The following PRRC2B variants were observed in gnomAD, a reference collection of about 807,000 sequenced individuals.
PRRC2B encodes the protein proline rich coiled-coil 2B.
A neutral mutation model predicts 242.3 loss-of-function variants in PRRC2B; 68 were observed. That is an observed-to-expected ratio of 0.28 (90% CI 0.23 to 0.34). PRRC2B has a LOEUF of 0.34. Among genes scored for constraint, PRRC2B ranks in the 10% least tolerant of loss-of-function variants. PRRC2B has a pLI of 1.00. For missense variants in PRRC2B, 2,835 were observed against 2,954.8 expected (o/e 0.96, Z 0.94); for synonymous variants, 1,228 against 1,173.6 (o/e 1.05, Z -0.95).
At chr9:131,493,410 G>A (rs568915404) in intron 30 of PRRC2B, among the ~76,000 whole-genome samples, 8 of 152,334 alleles carry the variant, frequency 5.3e-5, no homozygotes, top group South Asian at 2.1e-4. Context: ...GGAGGAAGGC[G>A]GCTGCAGGTC....
intron 5 of PRRC2B, among the ~76,000 whole-genome samples, chr9:131,440,465 G>T (rs1588252433): frequency 6.6e-6 from 1 of 152,012 alleles, no homozygotes; most frequent in East Asian, 1.9e-4. Flanking sequence ...AAAATTAAAA[G>T]AAAAACTTCT....
chr9:131,377,182 G>A (rs769068847), intron 1 of PRRC2B, among the ~76,000 whole-genome samples: 34 of 151,684 alleles, frequency 2.2e-4, no homozygotes, highest in Non-Finnish European at 3.8e-4. Flanking sequence ...TGGCGCATTC[G>A]GGGCTCACTG....
intron 1 of PRRC2B, among the ~76,000 whole-genome samples, chr9:131,384,359 T>A (rs946287423): frequency 4.6e-5 from 7 of 151,746 alleles, no homozygotes; most frequent in Admixed American, 4.6e-4. Flanking sequence ...CTTGGCTCGC[T>A]GCAACCTCCA....
intron 10 of PRRC2B, among the ~76,000 whole-genome samples, chr9:131,458,446 G>A (rs1302523794): frequency 6.6e-6 from 1 of 151,896 alleles, no homozygotes; most frequent in Admixed American, 6.6e-5. Flanking sequence ...TAACACTAAC[G>A]ATAGCTGATA....
chr9:131,453,395 T>A (rs149457913), intron 9 of PRRC2B, among the ~76,000 whole-genome samples: 73 of 152,308 alleles, frequency 4.8e-4, no homozygotes, highest in African/African-American at 6.7e-4. Flanking sequence ...TAAATTTTTT[T>A]AATTTTAATT....
At chr9:131,442,887 T>G (rs992827316) in intron 5 of PRRC2B, among the ~76,000 whole-genome samples, 2 of 152,200 alleles carry the variant, frequency 1.3e-5, no homozygotes, top group African/African-American at 4.8e-5. Flanking sequence ...AGGAAAGGCT[T>G]CTTCTCTAAA....
At chr9:131,480,941 C>G (rs1943842389) in intron 19 of PRRC2B, among the ~76,000 whole-genome samples, 1 of 151,780 alleles carries the variant, frequency 6.6e-6, no homozygotes, top group Non-Finnish European at 1.5e-5. Context: ...GAGGCCAAGG[C>G]TTGAAGATCA....
chr9:131,378,495 C>A (rs1425474197), intron 1 of PRRC2B, among the ~76,000 whole-genome samples: 2 of 152,034 alleles, frequency 1.3e-5, no homozygotes, highest in African/African-American at 4.8e-5. Context: ...CTTCCTTGGA[C>A]TATGTTCCCA....
Position 131,499,443 on chromosome 9 carries a change from A to C in PRRC2B, c.*3569A>C. ...CTGCTGGAAATGGCCTTTGAAGACC[A>C]AGGATACCAGGATGTGTGCACTCTG... On this transcript the variant is annotated 3_prime_UTR_variant, in exon 32 of 32. Coordinates refer to ENST00000683519, the MANE Select transcript of PRRC2B (RefSeq NM_013318.4). The C allele has an allele frequency of 6.6e-6, 1 of 152,250 alleles. No individual in the cohort carries two copies. Among genetic ancestry groups the C allele is most frequent in the East Asian group, 1.9e-4 (1 of 5,204 alleles). The allele number at this position is 152,250 out of a possible 1,614,324, so 9.4% of individuals were successfully genotyped here.
In PRRC2B at chr9:131,473,870, A is replaced by AG. The variant is rs988800127; in HGVS notation, c.2324+148dup. ...AAGGGACTCCTGGTTCCTCTGGGGA[A>AG]GGAGAGTGTGAGGAGGATTGCTTGA... On this transcript the variant is annotated intron_variant, in intron 15 of 31. Transcript: ENST00000683519. 6 of 635,240 alleles carry AG rather than the reference A, an allele frequency of 9.4e-6. No homozygotes were observed. In the African/African-American group the frequency reaches 1.1e-4, roughly 12 times the overall value. 39.4% of individuals were successfully genotyped at this position (635,240 alleles called of 1,614,324 possible).
upstream of PRRC2B, among the ~76,000 whole-genome samples, chr9:131,393,733 G>A (rs565929331): frequency 2.0e-5 from 3 of 149,404 alleles, no homozygotes; most frequent in Non-Finnish European, 3.0e-5. Flanking sequence ...CTTCCCCCGG[G>A]CCCAGGCCGG....
In PRRC2B at chr9:131,475,593, A is replaced by C; in HGVS notation, c.3464A>C (p.Asn1155Thr). 6.2e-7 allele frequency: 1 copy of C among 1,612,858 alleles called. No homozygotes were observed. The highest frequency in any genetic ancestry group is 8.5e-7 in the Non-Finnish European group (1 of 1,179,796). ...CGCCGCCGGCAGAGGGGCTCCGAGA[A>C]CGGGAATGAAGGCTCGCTCCTGGAG... ...PKRRRQRGSE[N>T]GNEGSLLERE... Residue 1155 changes from asparagine (N) to threonine (T), a missense_variant, in exon 16 of 32, where the codon AAC (asparagine) becomes ACC (threonine). Asn to Thr is a moderately conservative substitution (Grantham distance 65). Coordinates refer to ENST00000683519, the MANE Select transcript of PRRC2B (RefSeq NM_013318.4).
intron 28 of PRRC2B, among the ~76,000 whole-genome samples, chr9:131,490,111 C>T (rs1227908093): frequency 6.6e-6 from 1 of 152,046 alleles, no homozygotes; most frequent in Non-Finnish European, 1.5e-5. Context: ...ATGGACTTTC[C>T]AGCATGTCTG....
intron 10 of PRRC2B, among the ~76,000 whole-genome samples, chr9:131,455,800 C>T (rs976283817): frequency 5.3e-5 from 8 of 152,016 alleles, no homozygotes; most frequent in Non-Finnish European, 1.2e-4. Context: ...CCAGATTCCT[C>T]GGAGCCTTGA....
At chr9:131,437,741 T>A (rs1022840588) in intron 4 of PRRC2B, among the ~76,000 whole-genome samples, 5 of 152,242 alleles carry the variant, frequency 3.3e-5, no homozygotes, top group Non-Finnish European at 7.3e-5. Flanking sequence ...TCTATAATCA[T>A]GCAAGATGCC....
chr9:131,431,185 C>T (rs1302157189), intron 2 of PRRC2B, among the ~76,000 whole-genome samples: 1 of 151,786 alleles, frequency 6.6e-6, no homozygotes, highest in Admixed American at 6.6e-5. Flanking sequence ...GGGTGGAGTG[C>T]AGTGGTGTGA....
chr9:131,397,442 T>C (rs1431936450), intron 1 of PRRC2B, among the ~76,000 whole-genome samples: 1 of 152,168 alleles, frequency 6.6e-6, no homozygotes, highest in African/African-American at 2.4e-5. Flanking sequence ...TCCCTTTGCC[T>C]TGTGCTTAGC....
intron 1 of PRRC2B, among the ~76,000 whole-genome samples, chr9:131,414,050 AT>A (rs1837576377): frequency 6.6e-6 from 1 of 152,230 alleles, no homozygotes; most frequent in Non-Finnish European, 1.5e-5. Flanking sequence ...AGCTGCAGTG[AT>A]TAAGACAATG....
At chr9:131,467,257 C>T (rs1943423695) in intron 12 of PRRC2B, among the ~76,000 whole-genome samples, 1 of 152,176 alleles carries the variant, frequency 6.6e-6, no homozygotes, top group South Asian at 2.1e-4. Flanking sequence ...TTTAATAAAA[C>T]ATCTTCCACC....
Sources: allele counts gnomAD v4.1 joint callset (sites outside exome capture counted in the v4.1 genomes callset), GRCh38; gene constraint gnomAD v4.1.1; transcripts MANE v1.5; gene names NCBI Gene and HGNC (gene_info 2026-07-23, HGNC 2026-07-21).